Variants in USP37 observed in about 807,000 individuals in gnomAD.
USP37 encodes ubiquitin carboxyl-terminal hydrolase 37.
A neutral mutation model predicts 124.0 loss-of-function variants in USP37; 27 were observed. That is an observed-to-expected ratio of 0.22 (90% CI 0.16 to 0.30). USP37 has a LOEUF of 0.30. USP37 is among the 10% of genes least tolerant of loss of function. USP37 has a pLI of 1.00. For synonymous variants in USP37, 365 were observed against 388.0 expected, an observed-to-expected ratio of 0.94 and a Z score of 0.70; for missense variants, 889 against 1,140.4, an observed-to-expected ratio of 0.78 and a Z score of 3.17.
In USP37 at chr2:218,453,237, T is replaced by C. The variant is rs1470841253; in HGVS notation, c.*1693A>G. ...AGAAAAGATGTTGCATCTTCTGTGA[T>C]GATGGTTTGTGTTTTTTTTGTTTTT... On this transcript the variant is annotated 3_prime_UTR_variant, in exon 26 of 26. Transcript: ENST00000258399. The C allele has an allele frequency of 6.6e-6, 1 of 151,722 alleles. No homozygotes were observed. Among genetic ancestry groups the C allele is most frequent in the East Asian group, 1.9e-4 (1 of 5,192 alleles). The allele number at this position is 151,722 out of a possible 1,614,324, so 9.4% of individuals were successfully genotyped here.
chr2:218,492,904 C>T (rs1328648867), intron 14 of USP37, among the ~76,000 whole-genome samples: 2 of 151,986 alleles, frequency 1.3e-5, no homozygotes, highest in Admixed American at 6.6e-5. Flanking sequence ...ACTCTAGATG[C>T]TGAGGTGGGA....
chr2:218,497,949 T>C, intron 12 of USP37, 77 bp downstream of exon 12: 2 of 1,571,016 alleles, frequency 1.3e-6, no homozygotes, highest in Non-Finnish European at 1.7e-6. Context: ...CAGAAAATTT[T>C]TGAGTGTCTA....
intron 20 of USP37, among the ~76,000 whole-genome samples, chr2:218,469,814 CTTTTTT>C (rs71064451): frequency 3.1e-5 from 2 of 64,646 alleles, no homozygotes; most frequent in Non-Finnish European, 5.5e-5. Context: ...ACTCAACATT[CTTTTTT>C]TTTTTTTTTT....
intron 10 of USP37, among the ~76,000 whole-genome samples, chr2:218,525,170 T>C (rs1462269870): frequency 6.6e-6 from 1 of 152,246 alleles, no homozygotes; most frequent in Non-Finnish European, 1.5e-5. Context: ...ATTCTATCTG[T>C]CTTTGCACAT....
intron 10 of USP37, among the ~76,000 whole-genome samples, chr2:218,523,256 T>C (rs1392363027): frequency 1.3e-5 from 2 of 151,768 alleles, no homozygotes; most frequent in Non-Finnish European, 2.9e-5. Context: ...AGAGCGAGAC[T>C]TCGTCTCAAA....
chr2:218,510,803 G>A (rs1689939990), intron 10 of USP37, among the ~76,000 whole-genome samples: 3 of 152,046 alleles, frequency 2.0e-5, no homozygotes, highest in Admixed American at 2.0e-4. Flanking sequence ...GACCAGCTTG[G>A]GCAACCTGGC....
chr2:218,474,603 C>CAGA (rs762997972), intron 20 of USP37, 27 bp downstream of exon 20: 101 of 1,605,764 alleles, frequency 6.3e-5, no homozygotes, highest in Non-Finnish European at 8.4e-5. Context: ...TTTTGTTTCA[C>CAGA]AGAGGTTTAA....
At chr2:218,531,811 ACTG>A (rs1352652057) in intron 9 of USP37, among the ~76,000 whole-genome samples, 3 of 152,260 alleles carry the variant, frequency 2.0e-5, no homozygotes, top group Admixed American at 1.3e-4. Context: ...GATGCAGTCA[ACTG>A]CAGATATTGT....
intron 25 of USP37, 59 bp from the exon 26 acceptor site, chr2:218,455,076 A>C: frequency 6.3e-7 from 1 of 1,593,042 alleles, no homozygotes; most frequent in Non-Finnish European, 8.5e-7. Context: ...ACCAAAGAAT[A>C]GGCAGGAGAA....
intron 14 of USP37, among the ~76,000 whole-genome samples, chr2:218,488,684 G>A (rs1046845462): frequency 2.0e-5 from 3 of 152,146 alleles, no homozygotes; most frequent in African/African-American, 7.2e-5. Flanking sequence ...CACCCAGGCT[G>A]GAGTACAATG....
chr2:218,556,031 A>G (rs1559229184), intron 4 of USP37, among the ~76,000 whole-genome samples: 2 of 152,062 alleles, frequency 1.3e-5, no homozygotes, highest in South Asian at 4.1e-4. Flanking sequence ...ATGTCCTTCT[A>G]TTCTCCCACT....
intron 14 of USP37, among the ~76,000 whole-genome samples, chr2:218,492,986 G>A (rs1324425709): frequency 1.3e-5 from 2 of 151,676 alleles, no homozygotes. Context: ...CAGCCTGGGT[G>A]ACAGAGCAAG....
At chr2:218,474,494 T>G in intron 20 of USP37, 136 bp downstream of exon 20, 1 of 1,294,060 alleles carries the variant, frequency 7.7e-7, no homozygotes, top group Non-Finnish European at 1.0e-6. Flanking sequence ...CCCGAGTAGC[T>G]GGGATTAGGG....
chr2:218,498,302 C>A, intron 11 of USP37, 145 bp from the exon 12 acceptor site: 2 of 772,328 alleles, frequency 2.6e-6, no homozygotes, highest in Non-Finnish European at 3.7e-6. Flanking sequence ...CCCAAGGTTT[C>A]TGATTCAGTA....
chr2:218,502,102 T>G (rs909856641), intron 11 of USP37, among the ~76,000 whole-genome samples: 1 of 151,238 alleles, frequency 6.6e-6, no homozygotes, highest in South Asian at 2.1e-4. Context: ...CTTAAGCAGA[T>G]CACACAGCTG....
intron 22 of USP37, among the ~76,000 whole-genome samples, chr2:218,460,667 G>T (rs546523108): frequency 6.6e-6 from 1 of 152,238 alleles, no homozygotes; most frequent in East Asian, 1.9e-4. Flanking sequence ...TCTTGGCCGA[G>T]TGTGGTGGCT....
intron 10 of USP37, among the ~76,000 whole-genome samples, chr2:218,522,562 C>A (rs1352907178): frequency 4.1e-4 from 43 of 105,198 alleles, no homozygotes; most frequent in African/African-American, 5.5e-4. Flanking sequence ...AACTCCACCA[C>A]AAAAAAAAAA....
At chr2:218,496,857 G>C (rs1689109926) in intron 13 of USP37, among the ~76,000 whole-genome samples, 1 of 152,018 alleles carries the variant, frequency 6.6e-6, no homozygotes, top group South Asian at 2.1e-4. Context: ...CACCTCATCA[G>C]TCAGGCTGGT....
intron 3 of USP37, among the ~76,000 whole-genome samples, chr2:218,559,215 G>A (rs1416662726): frequency 6.6e-6 from 1 of 152,154 alleles, no homozygotes; most frequent in Non-Finnish European, 1.5e-5. Flanking sequence ...AGGGGCTGAA[G>A]TGGGAGGATC....
Sources: gnomAD v4.1 joint callset for allele counts (sites outside exome capture counted in the v4.1 genomes callset) on GRCh38, gnomAD v4.1.1 for gene constraint, MANE v1.5 for transcripts, NCBI Gene and HGNC (gene_info 2026-07-23, HGNC 2026-07-21) for gene names.